The following SYNPR variants were observed in gnomAD, a reference collection of about 807,000 sequenced individuals.
The protein encoded by SYNPR is synaptoporin.
In SYNPR, 23 loss-of-function variants were observed where a neutral mutation model predicts 32.9. That is an observed-to-expected ratio of 0.70 (90% CI 0.50 to 0.99). The LOEUF (loss-of-function observed/expected upper bound fraction) is 0.99, where lower values mean the gene tolerates loss of function less well. SYNPR is among the 50% of genes least tolerant of loss of function. The pLI, the probability that SYNPR is intolerant of heterozygous loss-of-function variation, is 0.00. For synonymous variants in SYNPR, 146 were observed against 135.9 expected (o/e 1.07, Z -0.52); for missense variants, 318 against 349.3 (o/e 0.91, Z 0.71).
At chr3:63,483,246 G>A (rs1009031341) in intron 3 of SYNPR, among the ~76,000 whole-genome samples, 1 of 152,204 alleles carries the variant, frequency 6.6e-6, no homozygotes, top group African/African-American at 2.4e-5. Context: ...CCATCAGCAG[G>A]AAGCAGGCTC....
chr3:63,444,801 A>G (rs1366301843), intron 2 of SYNPR, among the ~76,000 whole-genome samples: 1 of 152,246 alleles, frequency 6.6e-6, no homozygotes, highest in African/African-American at 2.4e-5. Context: ...ATTTTGATCA[A>G]TCTAACTCAG....
rs145767828 is a variant in SYNPR, at chr3:63,450,241, C to A, written c.85-30591C>A. On this transcript the variant is annotated intron_variant, in intron 2 of 5. Coordinates refer to ENST00000478300, the MANE Select transcript of SYNPR (RefSeq NM_001130003.2). Reference sequence around the variant, plus strand: ...GCAAGAAGCCCTAGAGATCAGCCTACCACAGTAGAGAGAGTGCGGGTTTTG... The same window carrying A: ...GCAAGAAGCCCTAGAGATCAGCCTAACACAGTAGAGAGAGTGCGGGTTTTG... Among the ~76,000 whole-genome samples, 813 of 152,252 alleles carry A rather than the reference C, an allele frequency of 5.3e-3. 7 individuals carry two copies. The highest frequency in any genetic ancestry group is 0.019 in the African/African-American group (772 of 41,560).
intron 3 of SYNPR, among the ~76,000 whole-genome samples, chr3:63,540,128 A>T (rs1018305877): frequency 6.6e-6 from 1 of 152,146 alleles, no homozygotes; most frequent in Admixed American, 6.6e-5. Context: ...AACACTTATT[A>T]TGTGCCAGGC....
At chr3:63,374,479 A>C (rs897355369) in intron 2 of SYNPR, among the ~76,000 whole-genome samples, 1 of 152,172 alleles carries the variant, frequency 6.6e-6, no homozygotes, top group African/African-American at 2.4e-5. Flanking sequence ...ACTACCTGTC[A>C]TGTACTATGC....
At chr3:63,584,896 C>A (rs1703156144) in intron 4 of SYNPR, among the ~76,000 whole-genome samples, 1 of 152,040 alleles carries the variant, frequency 6.6e-6, no homozygotes, top group Non-Finnish European at 1.5e-5. Context: ...ACAGCACTGG[C>A]ATCTCTTGGA....
chr3:63,386,150 G>A (rs566033733), intron 2 of SYNPR, among the ~76,000 whole-genome samples: 1 of 152,238 alleles, frequency 6.6e-6, no homozygotes, highest in East Asian at 1.9e-4. Flanking sequence ...GGGTCCATGG[G>A]CGTCAGCATC....
intron 2 of SYNPR, among the ~76,000 whole-genome samples, chr3:63,294,065 A>AT (rs765407478): frequency 6.6e-6 from 1 of 152,020 alleles, no homozygotes; most frequent in African/African-American, 2.4e-5. Context: ...TAGATAAAAT[A>AT]TTTTTTTCCC....
At chr3:63,556,837 A>T in intron 4 of SYNPR, 96 bp downstream of exon 4, 1 of 1,200,094 alleles carries the variant, frequency 8.3e-7, no homozygotes, top group East Asian at 2.6e-5. Context: ...CCCTCGGGTT[A>T]GGTGTTTGAA....
At position 63,510,943 on chromosome 3, in the gene SYNPR, G is replaced by A. The variant is rs1025658815; in HGVS notation, c.209+29987G>A. On this transcript the variant is annotated intron_variant, in intron 3 of 5. Coordinates refer to ENST00000478300, the MANE Select transcript of SYNPR (RefSeq NM_001130003.2). ...TGTGTGTGTGTGTGTGTGCGCGCAC[G>A]TTGTGTGTGTGTGTTTCATTTGTTC... Among the ~76,000 whole-genome samples, 29 of 148,600 alleles carry A rather than the reference G, an allele frequency of 2.0e-4. 1 individual carries two copies. The highest frequency in any genetic ancestry group is 4.3e-4 in the South Asian group (2 of 4,636).
chr3:63,520,927 C>T (rs1175021998), intron 3 of SYNPR, among the ~76,000 whole-genome samples: 2 of 21,128 alleles, frequency 9.5e-5, no homozygotes, highest in Non-Finnish European at 1.4e-4. Context: ...CTTTGGGGCC[C>T]CGTTTTTTGT....
At chr3:63,256,883 T>A (rs1489391474) in intron 2 of SYNPR, among the ~76,000 whole-genome samples, 1 of 152,122 alleles carries the variant, frequency 6.6e-6, no homozygotes, top group African/African-American at 2.4e-5. Context: ...AAGGACCTGA[T>A]GGAGCTGAAA....
chr3:63,527,382 TA>T (rs35633964), intron 3 of SYNPR, among the ~76,000 whole-genome samples: 37,931 of 149,884 alleles, frequency 0.25, 4,906 homozygotes, highest in Admixed American at 0.33. Flanking sequence ...TCCTTTCCAT[TA>T]AAAAAAAAAT....
chr3:63,250,203 A>T (rs2086320522), intron 1 of SYNPR, among the ~76,000 whole-genome samples: 1 of 152,208 alleles, frequency 6.6e-6, no homozygotes, highest in Admixed American at 6.5e-5. Context: ...CAGACCACAA[A>T]GGAATTGTAA....
At chr3:63,203,068 G>GTGTACATATATATATATATA in the SYNPR span, 1 of 108,594 alleles carries the variant, frequency 9.2e-6, no homozygotes, top group African/African-American at 4.6e-5. Flanking sequence ...ATATGTATGT[G>GTGTACATATATATATATATA]TATATATATA....
chr3:63,436,613 T>C (rs188329050), intron 2 of SYNPR, among the ~76,000 whole-genome samples: 2 of 152,160 alleles, frequency 1.3e-5, no homozygotes, highest in Non-Finnish European at 2.9e-5. Context: ...CACTTAATGA[T>C]CTGGAATTAT....
intron 2 of SYNPR, among the ~76,000 whole-genome samples, chr3:63,416,809 C>T (rs1203063774): frequency 6.6e-6 from 1 of 152,086 alleles, no homozygotes; most frequent in Non-Finnish European, 1.5e-5. Context: ...TCTCATGAGA[C>T]TTATTCACTA....
intron 2 of SYNPR, among the ~76,000 whole-genome samples, chr3:63,385,207 T>G (rs909258701): frequency 6.6e-6 from 1 of 152,172 alleles, no homozygotes; most frequent in Non-Finnish European, 1.5e-5. Flanking sequence ...TAGCATTAAA[T>G]TCTTCCCAAA....
At chr3:63,409,282 A>AT (rs932497087) in intron 2 of SYNPR, among the ~76,000 whole-genome samples, 23 of 151,478 alleles carry the variant, frequency 1.5e-4, no homozygotes, top group South Asian at 2.1e-4. Flanking sequence ...CTAAACATCG[A>AT]TTTTTTTTTG....
intron 2 of SYNPR, chr3:63,426,831 G>C (rs1055366466): frequency 3.3e-5 from 5 of 151,994 alleles, no homozygotes; most frequent in African/African-American, 7.2e-5. Flanking sequence ...AACAGCTAAA[G>C]TTTTTCCACT....
Sources: allele counts gnomAD v4.1 joint callset (sites outside exome capture counted in the v4.1 genomes callset), GRCh38; gene constraint gnomAD v4.1.1; transcripts MANE v1.5; gene names NCBI Gene and HGNC (gene_info 2026-07-23, HGNC 2026-07-21).